DNAH17: variants seen among roughly 807,000 people sequenced by gnomAD.
DNAH17 encodes the protein dynein axonemal heavy chain 17, also known as axonemal beta dynein heavy chain 17.
In DNAH17, 376 loss-of-function variants were observed where a neutral mutation model predicts 485.6. That is an observed-to-expected ratio of 0.77 (90% CI 0.71 to 0.84). The LOEUF is 0.84. DNAH17 is among the 40% of genes least tolerant of loss of function. The probability of loss-of-function intolerance (pLI) is 0.00; values close to 1 mark genes in which losing one functional copy is unlikely to be tolerated. For synonymous variants in DNAH17, 3,031 were observed against 2,405.9 expected, an observed-to-expected ratio of 1.26 and a Z score of -7.60; for missense variants, 6,370 against 5,839.3, an observed-to-expected ratio of 1.09 and a Z score of -2.96.
intron 26 of DNAH17, 108 bp from the exon 27 acceptor site, chr17:78,510,614 C>A: frequency 6.8e-7 from 1 of 1,479,024 alleles, no homozygotes; most frequent in Admixed American, 1.8e-5. Flanking sequence ...CGATCCCGGG[C>A]TGCTGGAGGG....
Position 78,462,744 on chromosome 17 carries a change from G to A in DNAH17, c.9174+100C>T, listed in dbSNP as rs1472178636. On this transcript the variant is annotated intron_variant, in intron 57 of 80. Transcript: ENST00000389840. ...CTCATCTTACTTTAGGCAGTGCTGA[G>A]CCCCAGTGTGACCAGCCCGTGGATG... 6.9e-6 allele frequency: 8 copies of A among 1,165,320 alleles called. No individual in the cohort carries two copies. In the East Asian group the frequency reaches 1.7e-4, roughly 25 times the overall value. The allele number at this position is 1,165,320 out of a possible 1,614,324, so 72.2% of individuals were successfully genotyped here.
chr17:78,482,583 G>C (rs1177666318), intron 48 of DNAH17, among the ~76,000 whole-genome samples: 1 of 152,110 alleles, frequency 6.6e-6, no homozygotes, highest in African/African-American at 2.4e-5. Flanking sequence ...TGCCTGCGCA[G>C]TCCTCTCCTG....
intron 70 of DNAH17, 88 bp from the exon 71 acceptor site, chr17:78,444,885 G>A (rs956046397): frequency 4.6e-5 from 60 of 1,312,108 alleles, no homozygotes; most frequent in East Asian, 2.9e-4. Flanking sequence ...AGGAGGAGAG[G>A]CCATTACCCT....
At chr17:78,527,116 C>T in intron 22 of DNAH17, 120 bp from the exon 23 acceptor site, 1 of 765,612 alleles carries the variant, frequency 1.3e-6, no homozygotes, top group Non-Finnish European at 2.0e-6. Flanking sequence ...GGCGCGGTGG[C>T]TCACACCTGT....
rs777425409 is a variant in DNAH17, at chr17:78,475,708, G to A, written c.8280C>T (p.Val2760=). The A allele has an allele frequency of 5.0e-6, 8 of 1,613,760 alleles. No homozygotes were observed. Among genetic ancestry groups the A allele is most frequent in the South Asian group, 1.1e-5 (1 of 91,074 alleles). Residue 2760 remains valine, a synonymous_variant, in exon 53 of 81, where the codon GTC becomes GTT. Transcript: ENST00000389840. ...CATTAACTTCATTGTAGCTGTCCAG[G>A]ACGTCCACGAGGAGCTTGTTCAGAG... ...MAPLNKLLVD[V]LDSYNEVNAV...
rs759339497 is a variant in DNAH17, at chr17:78,490,734, G to T, written c.6783C>A (p.Ile2261=). ...ATPATVSRAG[I]LYINPADLGW... is the part of the protein sequence containing the mutation. The stretch of plus-strand genomic sequence containing the variant: ...CCAGGTCGGCTGGGTTGATGTAGAG[G>T]ATGCCGGCTCTGGAAACGGTGGCTG... The change falls in exon 44 of 81, where the codon ATC becomes ATA. Residue 2261 remains isoleucine (I), a synonymous_variant. Transcript: ENST00000389840. The T allele has an allele frequency of 3.7e-6, 6 of 1,607,842 alleles. No homozygotes were observed. In the East Asian group the frequency reaches 1.3e-4, roughly 36 times the overall value.
intron 73 of DNAH17, among the ~76,000 whole-genome samples, chr17:78,438,849 C>G (rs1428268904): frequency 6.6e-6 from 1 of 152,138 alleles, no homozygotes; most frequent in Admixed American, 6.5e-5. Flanking sequence ...TAAAGCCCAG[C>G]TTCCCTCTCA....
chr17:78,536,284 A>AT (rs1491473365), intron 19 of DNAH17, among the ~76,000 whole-genome samples: 1 of 151,578 alleles, frequency 6.6e-6, no homozygotes, highest in African/African-American at 2.4e-5. Context: ...CTAAAAATAT[A>AT]TAAAAAAAAA....
rs1366281473 is a variant in DNAH17, at chr17:78,424,014, G to A, written c.13281C>T (p.Tyr4427=). 9 of 1,613,922 alleles carry A rather than the reference G, an allele frequency of 5.6e-6. No homozygotes were observed. The highest frequency in any genetic ancestry group is 7.6e-6 in the Non-Finnish European group (9 of 1,179,898). Residue 4427 remains tyrosine (Y), a synonymous_variant, in exon 81 of 81, where the codon TAC becomes TAT. Transcript: ENST00000389840. ...AGGTGGGGCCGCGGATGCGTGTTTT[G>A]TACACGGGACACTCATAGATGTTCT... ...ETKNIYECPV[Y]KTRIRGPTYV...
At chr17:78,475,227 T>G in intron 54 of DNAH17, 51 bp downstream of exon 54, 2 of 1,573,048 alleles carry the variant, frequency 1.3e-6, no homozygotes, top group Non-Finnish European at 1.7e-6. Flanking sequence ...AGTTTTTCTT[T>G]ACTCCCTGAC....
Position 78,459,136 on chromosome 17 carries a change from G to A in DNAH17, c.9726C>T (p.Cys3242=), listed in dbSNP as rs2289754. The A allele has an allele frequency of 0.17, 271,838 of 1,613,886 alleles. 25,305 individuals are homozygous for A. The highest frequency in any genetic ancestry group is 0.35 in the Admixed American group (20,955 of 60,022). ...RSKSTAAAGL[C]SWCINIVRFY... Reference sequence around the variant, plus strand: ...AGCGGACGATGTTGATGCACCAGGAGCACAGGCCGGCGGCGGCCGTGGACT... The same window carrying A: ...AGCGGACGATGTTGATGCACCAGGAACACAGGCCGGCGGCGGCCGTGGACT... The change falls in exon 61 of 81, where the codon TGC becomes TGT. Residue 3242 remains cysteine (C), a synonymous_variant. Transcript: ENST00000389840.
At chr17:78,517,750 CT>C (rs1598627928) in intron 25 of DNAH17, among the ~76,000 whole-genome samples, 2 of 152,346 alleles carry the variant, frequency 1.3e-5, no homozygotes, top group East Asian at 3.9e-4. Context: ...GTTGTCAGTT[CT>C]TTCAGTTCTG....
intron 54 of DNAH17, among the ~76,000 whole-genome samples, chr17:78,470,069 C>CTT (rs34298026): frequency 0.054 from 5,043 of 93,208 alleles, 512 homozygotes; most frequent in African/African-American, 0.13. Context: ...ATGTCTTACT[C>CTT]TTTTTTTTTT....
Position 78,551,557 on chromosome 17 carries a change from T to C in DNAH17, c.2369A>G (p.Glu790Gly). Reference sequence around the variant, plus strand: ...TACCTTCATAGCCTGGGAAATTCCTTCTATATTTTGTTTTGCCTTTTGCAT... The same window carrying C: ...TACCTTCATAGCCTGGGAAATTCCTCCTATATTTTGTTTTGCCTTTTGCAT... ...NRMQKAKQNI[E>G]GISQAMKDWS... Residue 790 changes from glutamate to glycine, a missense_variant, in exon 16 of 81, where the codon GAA (glutamate) becomes GGA (glycine). Coordinates refer to ENST00000389840, the MANE Select transcript of DNAH17 (RefSeq NM_173628.4). 4 of 1,614,034 alleles carry C rather than the reference T, an allele frequency of 2.5e-6. No homozygotes were observed. The highest frequency in any genetic ancestry group is 1.3e-5 in the African/African-American group (1 of 75,062).
Position 78,543,984 on chromosome 17 carries a change from T to C in DNAH17, c.2405A>G (p.Asn802Ser), listed in dbSNP as rs749417741. The C allele has an allele frequency of 6.2e-7, 1 of 1,614,020 alleles. No homozygotes were observed. Among genetic ancestry groups the C allele is most frequent in the Non-Finnish European group, 8.5e-7 (1 of 1,179,880 alleles). Reference sequence around the variant, plus strand: ...ATTGTCCTTTCTTTCAAACAGCGGGTTGGCCGACCAGTCCTGGAAGGAAAG... The same window carrying C: ...ATTGTCCTTTCTTTCAAACAGCGGGCTGGCCGACCAGTCCTGGAAGGAAAG... The part of the protein sequence containing the change: ...ISQAMKDWSA[N>S]PLFERKDNKK... The change falls in exon 17 of 81, where the codon AAC (asparagine) becomes AGC (serine). Residue 802 changes from asparagine to serine, a missense_variant. By Grantham distance (46) the Asn-to-Ser change is conservative (BLOSUM62 1). Transcript: ENST00000389840.
In DNAH17 at chr17:78,495,103, G is replaced by A; in HGVS notation, c.5904-6C>T. 1 of 1,598,270 alleles carries A rather than the reference G, an allele frequency of 6.3e-7. No individual in the cohort carries two copies. Among genetic ancestry groups the A allele is most frequent in the Non-Finnish European group, 8.5e-7 (1 of 1,171,788 alleles). On this transcript the variant is annotated splice_region_variant and splice_polypyrimidine_tract_variant and intron_variant, in intron 38 of 80. Transcript: ENST00000389840. ...GGACGACCATGGCACAGGGCCTGGG[G>A]AGGTCAGCGGTGCCTGTGGGCTTCT...
chr17:78,529,605 A>G lies in DNAH17; in HGVS notation c.3374T>C (p.Val1125Ala), dbSNP rs746980780. The G allele has an allele frequency of 1.8e-5, 29 of 1,612,338 alleles. No homozygotes were observed. Among genetic ancestry groups the G allele is most frequent in the African/African-American group, 6.7e-5 (5 of 74,334 alleles). Reference sequence around the variant, plus strand: ...CTTGACTTTCATCAGGTGCCCCATCACCTCCACAAGCCCATCATAGTCCCC... The same window carrying G: ...CTTGACTTTCATCAGGTGCCCCATCGCCTCCACAAGCCCATCATAGTCCCC... ...KEGDYDGLVEVMGHLMKVKER... is the reference protein window; with the variant it reads ...KEGDYDGLVEAMGHLMKVKER... Residue 1125 changes from valine to alanine, a missense_variant, in exon 22 of 81, where the codon GTG (valine) becomes GCG (alanine). By Grantham distance (64) the Val-to-Ala change is moderately conservative. Transcript: ENST00000389840.
intron 62 of DNAH17, among the ~76,000 whole-genome samples, chr17:78,456,363 G>T (rs762320360): frequency 5.3e-5 from 8 of 152,154 alleles, no homozygotes; most frequent in African/African-American, 9.7e-5. Flanking sequence ...TAGGAATGCT[G>T]TGTTTCCTCT....
intron 54 of DNAH17, among the ~76,000 whole-genome samples, chr17:78,470,764 G>GA (rs1207481643): frequency 8.5e-5 from 13 of 152,146 alleles, no homozygotes; most frequent in African/African-American, 2.9e-4. Context: ...CAAAAGGAAA[G>GA]AAAAAAATCT....
Sources: allele counts gnomAD v4.1 joint callset (sites outside exome capture counted in the v4.1 genomes callset), GRCh38; gene constraint gnomAD v4.1.1; transcripts MANE v1.5; gene names NCBI Gene and HGNC (gene_info 2026-07-23, HGNC 2026-07-21).